SCD5: variants seen among roughly 807,000 people sequenced by gnomAD.
SCD5 encodes stearoyl-CoA desaturase 5.
SCD5 carries 20 observed loss-of-function variants against 30.4 expected under a neutral mutation model. That is an observed-to-expected ratio of 0.66 (90% CI 0.46 to 0.96). SCD5 has a LOEUF of 0.96. Among genes scored for constraint, SCD5 ranks in the 40% least tolerant of loss-of-function variants. The pLI, the probability that SCD5 is intolerant of heterozygous loss-of-function variation, is 0.00. For synonymous variants in SCD5, 173 were observed against 176.4 expected (o/e 0.98, Z 0.16); for missense variants, 381 against 443.3 (o/e 0.86, Z 1.26).
rs1284987803 is a variant in SCD5, at chr4:82,746,975, C to T, written c.233-41562G>A. Reference sequence around the variant, plus strand: ...AAGGGCGTCAGGGGGAGAGGAGGAACGGGGAACACACCCACAGACCAGCAA... The same window carrying T: ...AAGGGCGTCAGGGGGAGAGGAGGAATGGGGAACACACCCACAGACCAGCAA... On this transcript the variant is annotated intron_variant, in intron 1 of 4. Transcript: ENST00000319540. 9.2e-5 allele frequency among the ~76,000 whole-genome samples: 14 copies of T among 151,816 alleles called. No homozygotes were observed. In the South Asian group the frequency reaches 1.9e-3, roughly 20 times the overall value.
chr4:82,687,281 T>C (rs72661252), intron 2 of SCD5, among the ~76,000 whole-genome samples: 3,431 of 151,946 alleles, frequency 0.023, 74 homozygotes, highest in South Asian at 0.097. Flanking sequence ...AGTTTAAGCA[T>C]GGGAAAAACA....
chr4:82,658,320 A>G (rs1727908225), intron 3 of SCD5, among the ~76,000 whole-genome samples: 1 of 152,044 alleles, frequency 6.6e-6, no homozygotes, highest in Non-Finnish European at 1.5e-5. Flanking sequence ...GTTGAATTTT[A>G]TTGAAGGCCT....
At chr4:82,674,915 G>A (rs1487034784) in intron 3 of SCD5, among the ~76,000 whole-genome samples, 4 of 152,140 alleles carry the variant, frequency 2.6e-5, no homozygotes, top group African/African-American at 7.2e-5. Flanking sequence ...CGACATTCTG[G>A]AAAAAGCAAA....
At chr4:82,695,000 G>T (rs1719666592) in intron 2 of SCD5, among the ~76,000 whole-genome samples, 1 of 142,502 alleles carries the variant, frequency 7.0e-6, no homozygotes, top group South Asian at 2.2e-4. Flanking sequence ...AGTACAGGTA[G>T]CCTGGGGACC....
chr4:82,709,695 ATTCCAC>A (rs1720041151), intron 1 of SCD5, among the ~76,000 whole-genome samples: 1 of 152,238 alleles, frequency 6.6e-6, no homozygotes, highest in Non-Finnish European at 1.5e-5. Context: ...TGTTCCAGCA[ATTCCAC>A]TTCTAGATGT....
intron 1 of SCD5, among the ~76,000 whole-genome samples, chr4:82,730,456 C>T (rs1011247853): frequency 6.6e-6 from 1 of 150,932 alleles, no homozygotes; most frequent in Non-Finnish European, 1.5e-5. Context: ...GCCACTATGC[C>T]TGGCTAATTT....
intron 1 of SCD5, among the ~76,000 whole-genome samples, chr4:82,758,842 CA>C (rs1462814257): frequency 6.6e-6 from 1 of 152,198 alleles, no homozygotes; most frequent in Non-Finnish European, 1.5e-5. Flanking sequence ...GCACACGACA[CA>C]AAGGGTCACT....
intron 1 of SCD5, among the ~76,000 whole-genome samples, chr4:82,761,905 G>C (rs1218615495): frequency 1.3e-5 from 2 of 151,926 alleles, no homozygotes; most frequent in Non-Finnish European, 2.9e-5. Flanking sequence ...GGGCGTAGTG[G>C]CTCATGCCTG....
chr4:82,633,970 T>G (rs1258604450), intron 4 of SCD5, among the ~76,000 whole-genome samples: 1 of 152,202 alleles, frequency 6.6e-6, no homozygotes, highest in African/African-American at 2.4e-5. Context: ...TAGATTTGCC[T>G]ATTTCAGACA....
chr4:82,703,258 T>C (rs1719894915), intron 2 of SCD5, among the ~76,000 whole-genome samples: 1 of 152,246 alleles, frequency 6.6e-6, no homozygotes, highest in East Asian at 1.9e-4. Context: ...TAAAACTACA[T>C]TTTAAAGCTG....
rs943603327 is a variant in SCD5, at chr4:82,747,874, C to G, written c.233-42461G>C. On this transcript the variant is annotated intron_variant, in intron 1 of 4. Coordinates refer to ENST00000319540, the MANE Select transcript of SCD5 (RefSeq NM_001037582.3). The stretch of plus-strand genomic sequence containing the variant: ...AGTAGGGTTAAAACAAGGAAACCAG[C>G]AGCCACAGAAAGGCTGCAATTCAGA... Among the ~76,000 whole-genome samples, 4 of 152,170 alleles carry G rather than the reference C, an allele frequency of 2.6e-5. No homozygotes were observed. The South Asian group carries it at 6.2e-4, about 24-fold the overall frequency.
intron 1 of SCD5, among the ~76,000 whole-genome samples, chr4:82,746,957 T>A (rs1402371836): frequency 8.6e-5 from 2 of 23,230 alleles, no homozygotes; most frequent in Non-Finnish European, 4.3e-4. Flanking sequence ...CACAAGGGCG[T>A]CAGGGGGAGA....
chr4:82,636,501 G>T (rs1727433488), intron 4 of SCD5, 90 bp downstream of exon 4: 9 of 973,298 alleles, frequency 9.2e-6, no homozygotes, highest in Non-Finnish European at 1.4e-5. Context: ...CCACTCCACT[G>T]CTTCTCTTTA....
chr4:82,671,307 G>A (rs1258000567), intron 3 of SCD5, among the ~76,000 whole-genome samples: 3 of 152,158 alleles, frequency 2.0e-5, no homozygotes, highest in Non-Finnish European at 4.4e-5. Context: ...GATGTGAACA[G>A]CCCACTATCA....
chr4:82,647,680 A>G lies in SCD5; in HGVS notation c.570-10857T>C, dbSNP rs147379302. 7.2e-5 allele frequency among the ~76,000 whole-genome samples: 11 copies of G among 152,244 alleles called. No individual in the cohort carries two copies. In the East Asian group the frequency reaches 2.1e-3, roughly 29 times the overall value. The stretch of plus-strand genomic sequence containing the variant: ...AAGATTGATTTGCTCCAGACAGCCT[A>G]CCCTGATAGATCTCCTCTCAACTAT... On this transcript the variant is annotated intron_variant, in intron 3 of 4. Transcript: ENST00000319540.
intron 1 of SCD5, among the ~76,000 whole-genome samples, chr4:82,787,469 A>G (rs1473034974): frequency 6.6e-6 from 1 of 152,180 alleles, no homozygotes; most frequent in Non-Finnish European, 1.5e-5. Flanking sequence ...ACACCAAGGA[A>G]GGCCTTGGAA....
At chr4:82,648,407 C>T (rs1324861660) in intron 3 of SCD5, among the ~76,000 whole-genome samples, 4 of 152,178 alleles carry the variant, frequency 2.6e-5, no homozygotes, top group Non-Finnish European at 4.4e-5. Flanking sequence ...TTGGAGTGCA[C>T]AGAGAGGTGC....
chr4:82,751,066 T>C (rs1346732390), intron 1 of SCD5, among the ~76,000 whole-genome samples: 1 of 152,238 alleles, frequency 6.6e-6, no homozygotes, highest in Non-Finnish European at 1.5e-5. Context: ...TTGTTTTCCA[T>C]GGTATCTTCA....
intron 1 of SCD5, among the ~76,000 whole-genome samples, chr4:82,757,135 T>A (rs1464461839): frequency 6.6e-6 from 1 of 152,146 alleles, no homozygotes; most frequent in African/African-American, 2.4e-5. Context: ...CCTCTCTCCA[T>A]CCTCGCTTTC....
Sources: allele counts gnomAD v4.1 joint callset (sites outside exome capture counted in the v4.1 genomes callset), GRCh38; gene constraint gnomAD v4.1.1; transcripts MANE v1.5; gene names NCBI Gene and HGNC (gene_info 2026-07-23, HGNC 2026-07-21).